DDX31: variants seen among roughly 807,000 people sequenced by gnomAD.
DDX31 encodes the protein ATP-dependent DNA helicase DDX31.
Under a neutral mutation model 91.3 loss-of-function variants are expected in DDX31, and 70 were observed. That is an observed-to-expected ratio of 0.77 (90% CI 0.63 to 0.94). The LOEUF is 0.94. Among genes scored for constraint, DDX31 ranks in the 40% least tolerant of loss-of-function variants. The pLI, the probability that DDX31 is intolerant of heterozygous loss-of-function variation, is 0.00. For missense variants in DDX31, 902 were observed against 925.0 expected (o/e 0.98, Z 0.32); for synonymous variants, 362 against 350.6 (o/e 1.03, Z -0.36).
intron 6 of DDX31, chr9:132,658,275 C>G (rs759369978): frequency 1.4e-6 from 1 of 702,936 alleles, no homozygotes. Flanking sequence ...AAATCCAGTT[C>G]CTCCATTACT....
Position 132,642,065 on chromosome 9 carries a change from T to C in DDX31, c.1381-2A>G. ...TTCCTGAAACACTGCTGTTCTTTCC[T>C]ACAAAAACAAGGAAAAATAGAGCCT... On this transcript the variant is annotated splice_acceptor_variant, in intron 13 of 19. Transcript: ENST00000372159. LOFTEE classifies it high-confidence loss of function. 4.3e-6 allele frequency: 7 copies of C among 1,614,134 alleles called. No individual in the cohort carries two copies. The highest frequency in any genetic ancestry group is 5.9e-6 in the Non-Finnish European group (7 of 1,179,970).
rs990283406 is a variant in DDX31, at chr9:132,646,986, T to G, written c.1040A>C (p.Gln347Pro). 2 of 1,614,238 alleles carry G rather than the reference T, an allele frequency of 1.2e-6. No individual in the cohort carries two copies. Among genetic ancestry groups the G allele is most frequent in the Non-Finnish European group, 1.7e-6 (2 of 1,180,036 alleles). Residue 347 changes from glutamine (Q) to proline (P), a missense_variant, in exon 12 of 20, where the codon CAG (glutamine) becomes CCG (proline). By Grantham distance (76) the Gln-to-Pro change is moderately conservative (BLOSUM62 -1). Transcript: ENST00000372159. ...GACCGCTTTGTCCTTTGGGTTCAAC[T>G]GGTCATGGCTCTTGTCCAGGACAGA... Reference protein sequence around the residue: ...SISVLDKSHDQLNPKDKAVQE... With the variant: ...SISVLDKSHDPLNPKDKAVQE...
chr9:132,632,335 T>C (rs1270569187), intron 14 of DDX31, among the ~76,000 whole-genome samples: 1 of 132,866 alleles, frequency 7.5e-6, no homozygotes, highest in Non-Finnish European at 1.7e-5. Flanking sequence ...AGGGACCTAC[T>C]GCAGTCCTCT....
At chr9:132,650,142 G>A in intron 9 of DDX31, 92 bp downstream of exon 9, 2 of 1,240,508 alleles carry the variant, frequency 1.6e-6, no homozygotes, top group South Asian at 1.2e-5. Context: ...CTGAGACAAA[G>A]CTCTCAGCAG....
intron 19 of DDX31, among the ~76,000 whole-genome samples, chr9:132,601,484 G>A (rs1305572613): frequency 6.6e-6 from 1 of 152,176 alleles, no homozygotes; most frequent in East Asian, 1.9e-4. Flanking sequence ...ATTGAAGTGA[G>A]GACCACAATG....
intron 12 of DDX31, 61 bp from the exon 13 acceptor site, chr9:132,646,132 AAT>A: frequency 6.5e-7 from 1 of 1,537,828 alleles, no homozygotes; most frequent in South Asian, 1.2e-5. Context: ...CGCCAAAACG[AAT>A]ATTTCTCTAA....
chr9:132,657,638 A>G (rs1834654666), intron 6 of DDX31, among the ~76,000 whole-genome samples: 1 of 152,232 alleles, frequency 6.6e-6, no homozygotes, highest in Non-Finnish European at 1.5e-5. Flanking sequence ...AATTCTGCAT[A>G]TCCAAACTGA....
intron 19 of DDX31, among the ~76,000 whole-genome samples, chr9:132,610,271 C>T (rs912421601): frequency 1.3e-5 from 2 of 152,176 alleles, no homozygotes; most frequent in African/African-American, 2.4e-5. Flanking sequence ...GGGCTGCAGC[C>T]CTGCTCTGCA....
At chr9:132,661,683 T>G (rs952199985) in intron 3 of DDX31, among the ~76,000 whole-genome samples, 5 of 152,230 alleles carry the variant, frequency 3.3e-5, no homozygotes, top group African/African-American at 1.2e-4. Context: ...TAACCGAAAG[T>G]GCAGAGGAAA....
intron 1 of DDX31, among the ~76,000 whole-genome samples, chr9:132,668,527 G>C (rs991288516): frequency 6.6e-6 from 1 of 151,492 alleles, no homozygotes; most frequent in African/African-American, 2.4e-5. Context: ...TCCAGCCCTC[G>C]AGAGGTCCTG....
chr9:132,644,178 C>T (rs2130752287), intron 13 of DDX31, among the ~76,000 whole-genome samples: 1 of 152,256 alleles, frequency 6.6e-6, no homozygotes, highest in East Asian at 1.9e-4. Context: ...TCCTGTCTTC[C>T]ACTGCAAAGG....
At chr9:132,643,899 T>C (rs1833654840) in intron 13 of DDX31, among the ~76,000 whole-genome samples, 1 of 151,916 alleles carries the variant, frequency 6.6e-6, no homozygotes, top group Non-Finnish European at 1.5e-5. Flanking sequence ...AGACTAGTTA[T>C]GATGTATTCA....
chr9:132,647,169 AC>A, intron 11 of DDX31, 111 bp from the exon 12 acceptor site: 2 of 945,110 alleles, frequency 2.1e-6, no homozygotes, highest in Non-Finnish European at 3.2e-6. Context: ...TACGTATGTT[AC>A]CCCATGGGTA....
At position 132,595,210 on chromosome 9, in the gene DDX31, C is replaced by A; in HGVS notation, c.1995-98G>T. The A allele has an allele frequency of 1.4e-6, 2 of 1,439,770 alleles. No homozygotes were observed. Among genetic ancestry groups the A allele is most frequent in the Non-Finnish European group, 1.9e-6 (2 of 1,072,582 alleles). 89.2% of individuals were successfully genotyped at this position (1,439,770 alleles called of 1,614,324 possible). The stretch of plus-strand genomic sequence containing the variant: ...AGCAGCTGGTTCTGAGACTGTGAAG[C>A]TGACATTTTTGTATTAACAGAAGTA... On this transcript the variant is annotated intron_variant, in intron 19 of 19. Transcript: ENST00000372159. This position sits in a 1 kb window ranked among gnomAD's most constrained non-coding sequence, Gnocchi z 4.6.
At chr9:132,649,826 C>T (rs574563965) in intron 9 of DDX31, among the ~76,000 whole-genome samples, 4 of 152,296 alleles carry the variant, frequency 2.6e-5, no homozygotes, top group African/African-American at 7.2e-5. Flanking sequence ...CAAACATATT[C>T]GGTTGTAAAA....
chr9:132,617,797 T>C (rs1831741149), intron 18 of DDX31, among the ~76,000 whole-genome samples: 1 of 152,204 alleles, frequency 6.6e-6, no homozygotes. Context: ...AGCCAACTTA[T>C]CCAACAAAGG....
At chr9:132,667,821 G>A (rs976193888) in intron 1 of DDX31, among the ~76,000 whole-genome samples, 2 of 152,176 alleles carry the variant, frequency 1.3e-5, no homozygotes, top group African/African-American at 4.8e-5. Context: ...CCAAAATGGA[G>A]CCAAAACTAC....
rs766448549 is a variant in DDX31, at chr9:132,647,024, A to G, written c.1002T>C (p.Asp334=). ...TGTCCAGGACAGAAATACTGACTGG[A>G]TCATGCAAACTGATATCAGCTAGCC... ...VTRLADISLH[D]PVSISVLDKS... Residue 334 remains aspartate, a synonymous_variant, in exon 12 of 20, where the codon GAT becomes GAC. Coordinates refer to ENST00000372159, the MANE Select transcript of DDX31 (RefSeq NM_022779.9). 1 of 1,614,144 alleles carries G rather than the reference A, an allele frequency of 6.2e-7. No homozygotes were observed. The highest frequency in any genetic ancestry group is 1.3e-5 in the African/African-American group (1 of 75,014).
In DDX31 at chr9:132,593,614, C is replaced by G. The variant is rs1464093662; in HGVS notation, c.*1252G>C. 6.6e-6 allele frequency: 1 copy of G among 151,934 alleles called. No individual in the cohort carries two copies. The highest frequency in any genetic ancestry group is 6.5e-5 in the Admixed American group (1 of 15,278). The allele number at this position is 151,934 out of a possible 1,614,324, so 9.4% of individuals were successfully genotyped here. On this transcript the variant is annotated 3_prime_UTR_variant, in exon 20 of 20. Coordinates refer to ENST00000372159, the MANE Select transcript of DDX31 (RefSeq NM_022779.9). ...CACTAGGCTCCTCCTTGCCCTCACA[C>G]TGGAGTCTCCGCCAGTGTGGGTGCC...
Sources: gnomAD v4.1 joint callset for allele counts (sites outside exome capture counted in the v4.1 genomes callset) on GRCh38, gnomAD v4.1.1 for gene constraint, Gnocchi (gnomAD v3.1) non-coding constraint, MANE v1.5 for transcripts, NCBI Gene and HGNC (gene_info 2026-07-23, HGNC 2026-07-21) for gene names.